Variants in GLIS3 observed in about 807,000 individuals in gnomAD.
GLIS3 encodes the protein GLIS family zinc finger 3.
In GLIS3, 53 loss-of-function variants were observed where a neutral mutation model predicts 78.6. The observed-to-expected ratio is 0.67, with a 90% CI of 0.54 to 0.85. The LOEUF (loss-of-function observed/expected upper bound fraction) is 0.85. Among genes scored for constraint, GLIS3 ranks in the 40% least tolerant of loss-of-function variants. The probability of loss-of-function intolerance (pLI) is 0.00; values close to 1 mark genes in which losing one functional copy is unlikely to be tolerated. For missense variants in GLIS3, 1,703 were observed against 1,231.1 expected, an observed-to-expected ratio of 1.38 and a Z score of -5.74; for synonymous variants, 684 against 509.9, an observed-to-expected ratio of 1.34 and a Z score of -4.60.
intron 6 of GLIS3, among the ~76,000 whole-genome samples, chr9:3,903,111 C>T (rs549408117): frequency 1.3e-5 from 2 of 152,182 alleles, no homozygotes; most frequent in African/African-American, 4.8e-5. Context: ...CTTGGGACAT[C>T]TGGACCTTAA....
intron 3 of GLIS3, among the ~76,000 whole-genome samples, chr9:4,124,719 G>T (rs1361773420): frequency 6.6e-6 from 1 of 152,184 alleles, no homozygotes; most frequent in African/African-American, 2.4e-5. Context: ...TACAAGAGGG[G>T]AGAACAGGAT....
intron 9 of GLIS3, among the ~76,000 whole-genome samples, chr9:3,843,232 C>G (rs1245259221): frequency 6.6e-6 from 1 of 152,200 alleles, no homozygotes; most frequent in Non-Finnish European, 1.5e-5. Flanking sequence ...GAATCCGAGT[C>G]TGTTATTACA....
chr9:3,914,832 G>C (rs1309074322), intron 6 of GLIS3, among the ~76,000 whole-genome samples: 1 of 152,132 alleles, frequency 6.6e-6, no homozygotes, highest in African/African-American at 2.4e-5. Context: ...TGGTAAACCT[G>C]ATCGCACTGG....
chr9:4,380,727 T>A, the GLIS3 span, among the ~76,000 whole-genome samples: 1 of 152,188 alleles, frequency 6.6e-6, no homozygotes, highest in Admixed American at 6.6e-5. Context: ...TATGAACATA[T>A]TGTTAAAATT....
intron 2 of GLIS3, among the ~76,000 whole-genome samples, chr9:4,327,476 A>C (rs1346167990): frequency 1.3e-5 from 2 of 152,078 alleles, no homozygotes; most frequent in Non-Finnish European, 2.9e-5. Flanking sequence ...TGCACTAGGG[A>C]AGTCCTGGAG....
intron 3 of GLIS3, 150 bp from the exon 4 acceptor site, chr9:4,119,031 G>T: frequency 1.2e-6 from 1 of 852,304 alleles, no homozygotes; most frequent in Non-Finnish European, 1.8e-6. Context: ...CTTGGGCTAA[G>T]ATAAAATCCA....
intron 9 of GLIS3, among the ~76,000 whole-genome samples, chr9:3,854,069 A>G (rs1052744795): frequency 2.6e-5 from 4 of 152,132 alleles, no homozygotes; most frequent in Non-Finnish European, 4.4e-5. Flanking sequence ...CCTACTCTAC[A>G]CTTCACATAG....
At chr9:4,373,462 T>C in the GLIS3 span, among the ~76,000 whole-genome samples, 97 of 152,274 alleles carry the variant, frequency 6.4e-4, no homozygotes, top group Middle Eastern at 3.4e-3. Flanking sequence ...ACATCCAGCA[T>C]TGGGGAACAA....
chr9:4,468,643 C>A, the GLIS3 span, among the ~76,000 whole-genome samples: 2 of 152,160 alleles, frequency 1.3e-5, no homozygotes, highest in South Asian at 2.1e-4. Flanking sequence ...AAGCACTAAA[C>A]GTGGAAAGGA....
intron 4 of GLIS3, among the ~76,000 whole-genome samples, chr9:4,054,792 T>C (rs1253075327): frequency 6.6e-6 from 1 of 152,154 alleles, no homozygotes; most frequent in Non-Finnish European, 1.5e-5. Flanking sequence ...TGTATGTGTG[T>C]GTTCTTGAGC....
intron 6 of GLIS3, among the ~76,000 whole-genome samples, chr9:3,914,331 A>T (rs1588214628): frequency 1.5e-5 from 2 of 129,148 alleles, no homozygotes; most frequent in Non-Finnish European, 3.3e-5. Flanking sequence ...AGATTTTTGG[A>T]TTTTTTTTTT....
chr9:4,235,203 G>A (rs1428844197), intron 2 of GLIS3, among the ~76,000 whole-genome samples: 1 of 151,918 alleles, frequency 6.6e-6, no homozygotes, highest in Non-Finnish European at 1.5e-5. Flanking sequence ...GGAGGCTGAG[G>A]CAGGAGAATC....
rs373666845 is a variant in GLIS3, at chr9:4,321,264, C to CA, written n.265-10737dup. Among the ~76,000 whole-genome samples, 172 of 106,918 alleles carry CA rather than the reference C, an allele frequency of 1.6e-3. 22 individuals are homozygous for CA. The highest frequency in any genetic ancestry group is 0.014 in the East Asian group (43 of 3,118). 70.1% of individuals were successfully genotyped at this position (106,918 alleles called of 152,430 possible). A position where few individuals can be genotyped will look rare whatever the true frequency, so the allele number is the denominator to read the frequency against. On this transcript the variant is annotated intron_variant and non_coding_transcript_variant, in intron 2 of 4. Coordinates refer to the GLIS3 transcript ENST00000471664. ...TGAAACCCCGTCTCTACTAAAAATA[C>CA]AAAAAAAATTAGCCGGGAGTGGTGG...
chr9:3,971,883 A>G (rs1278811243), intron 4 of GLIS3, among the ~76,000 whole-genome samples: 1 of 152,132 alleles, frequency 6.6e-6, no homozygotes, highest in Non-Finnish European at 1.5e-5. Flanking sequence ...CAGGTCAGCA[A>G]TGGCACTGGA....
At chr9:4,282,330 T>C (rs149752024) in intron 2 of GLIS3, among the ~76,000 whole-genome samples, 310 of 152,320 alleles carry the variant, frequency 2.0e-3, no homozygotes, top group African/African-American at 7.1e-3. Context: ...GGCATTTCTA[T>C]GAGGGTGTTT....
At chr9:4,097,909 AT>A (rs990662748) in intron 4 of GLIS3, among the ~76,000 whole-genome samples, 8 of 152,052 alleles carry the variant, frequency 5.3e-5, no homozygotes, top group African/African-American at 1.4e-4. Context: ...CATATTTTCA[AT>A]TTTTTTTGTG....
the GLIS3 span, among the ~76,000 whole-genome samples, chr9:4,422,551 C>G: frequency 2.0e-5 from 3 of 152,184 alleles, no homozygotes; most frequent in Non-Finnish European, 4.4e-5. Flanking sequence ...TGCAGTCAAC[C>G]AGTCCATAAA....
chr9:3,937,376 T>C (rs981700312), intron 4 of GLIS3, among the ~76,000 whole-genome samples, 187 bp from the exon 5 acceptor site: 2 of 152,210 alleles, frequency 1.3e-5, no homozygotes, highest in Admixed American at 1.3e-4. Context: ...ATTTTTCCAC[T>C]GAATATACAT....
chr9:4,284,993 T>C (rs1245856284), intron 2 of GLIS3, among the ~76,000 whole-genome samples: 1 of 152,162 alleles, frequency 6.6e-6, no homozygotes, highest in Non-Finnish European at 1.5e-5. Context: ...TTTATACCAA[T>C]TTATCCAAAC....
Sources: allele counts gnomAD v4.1 joint callset (sites outside exome capture counted in the v4.1 genomes callset), GRCh38; gene constraint gnomAD v4.1.1; transcripts MANE v1.5; gene names NCBI Gene and HGNC (gene_info 2026-07-23, HGNC 2026-07-21).